The following TET2 variants were observed in gnomAD, a reference collection of about 807,000 sequenced individuals.
The protein encoded by TET2 is methylcytosine dioxygenase TET2.
A neutral mutation model predicts 142.9 loss-of-function variants in TET2; 299 were observed. The observed-to-expected ratio is 2.09, with a 90% CI of 1.90 to 2.30. TET2 has a LOEUF of 2.30. Ranked by LOEUF, TET2 falls within the 30% of genes most tolerant of loss-of-function variation. The pLI is 0.00. For synonymous variants in TET2, 819 were observed against 849.0 expected, an observed-to-expected ratio of 0.96 and a Z score of 0.61; for missense variants, 2,418 against 2,378.0, an observed-to-expected ratio of 1.02 and a Z score of -0.35.
chr4:105,217,078 C>A (rs1578638273), intron 2 of TET2, among the ~76,000 whole-genome samples: 2 of 151,902 alleles, frequency 1.3e-5, no homozygotes, highest in African/African-American at 4.8e-5. Flanking sequence ...CCTGCATTCT[C>A]TATGAAGATA....
chr4:105,260,211 A>G (rs749931637), intron 7 of TET2, among the ~76,000 whole-genome samples: 2 of 148,570 alleles, frequency 1.3e-5, no homozygotes, highest in Non-Finnish European at 3.0e-5. Flanking sequence ...TTAAGTAACT[A>G]AAACATTTAG....
chr4:105,268,530 A>G (rs1267909119), intron 8 of TET2, among the ~76,000 whole-genome samples: 1 of 152,214 alleles, frequency 6.6e-6, no homozygotes, highest in African/African-American at 2.4e-5. Context: ...AAAGAATTGG[A>G]CAAGATGGCT....
chr4:105,213,374 T>C (rs1000607350), intron 2 of TET2, among the ~76,000 whole-genome samples: 6 of 152,218 alleles, frequency 3.9e-5, no homozygotes, highest in African/African-American at 1.4e-4. Context: ...AAAATTTCTT[T>C]AGCCAATTTT....
At chr4:105,246,055 C>T (rs1333217324) in intron 6 of TET2, among the ~76,000 whole-genome samples, 1 of 152,074 alleles carries the variant, frequency 6.6e-6, no homozygotes, top group Admixed American at 6.6e-5. Flanking sequence ...CACAGCCTCC[C>T]GAGTAGCTAG....
chr4:105,235,528 G>T lies in TET2; in HGVS notation c.1586G>T (p.Cys529Phe). ...FGSSGELQDN[C>F]QQLMRNKEQE... ...AGCAGTGGAGAGCTACAGGACAACT[G>T]CCAGCAGTTGATGAGAAACAAAGAG... Residue 529 changes from cysteine to phenylalanine, a missense_variant, in exon 3 of 11, where the codon TGC becomes TTC. Transcript: ENST00000380013. The T allele has an allele frequency of 6.2e-7, 1 of 1,614,160 alleles. No individual in the cohort carries two copies. The highest frequency in any genetic ancestry group is 8.5e-7 in the Non-Finnish European group (1 of 1,180,016).
chr4:105,213,467 A>G (rs745731011), intron 2 of TET2, among the ~76,000 whole-genome samples: 2 of 152,222 alleles, frequency 1.3e-5, no homozygotes, highest in Non-Finnish European at 2.9e-5. Flanking sequence ...AAAATGACAC[A>G]CTAATTTCTA....
At chr4:105,171,219 C>T (rs1724447706) in intron 1 of TET2, 1 of 152,040 alleles carries the variant, frequency 6.6e-6, no homozygotes, top group Non-Finnish European at 1.5e-5. Flanking sequence ...GTGTCTAGCA[C>T]AGTGCCTGGC....
Position 105,234,512 on chromosome 4 carries a change from T to C in TET2, c.570T>C (p.Ala190=). 6.2e-7 allele frequency: 1 copy of C among 1,614,130 alleles called. No individual in the cohort carries two copies. The highest frequency in any genetic ancestry group is 8.5e-7 in the Non-Finnish European group (1 of 1,180,010). ...TGAATGAGCAGGAGGGGAAAAGTGC[T>C]AATTACCATGACAAGAACATTGTAT... The part of the protein sequence containing the change: ...QILNEQEGKS[A]NYHDKNIVLL... Residue 190 remains alanine (A), a synonymous_variant, in exon 3 of 11, where the codon GCT becomes GCC. Transcript: ENST00000380013.
chr4:105,189,275 G>C (rs183608008), intron 1 of TET2, among the ~76,000 whole-genome samples: 1 of 152,024 alleles, frequency 6.6e-6, no homozygotes, highest in Admixed American at 6.6e-5. Flanking sequence ...ATCTAGCATA[G>C]TGTCTGGCAT....
intron 2 of TET2, among the ~76,000 whole-genome samples, chr4:105,214,261 G>A (rs1727342984): frequency 6.7e-6 from 1 of 149,332 alleles, no homozygotes; most frequent in Non-Finnish European, 1.5e-5. Flanking sequence ...TTAGAAAACA[G>A]AATCTCTCCT....
intron 2 of TET2, among the ~76,000 whole-genome samples, chr4:105,209,057 A>T (rs1257558059): frequency 3.2e-5 from 2 of 62,748 alleles, no homozygotes; most frequent in South Asian, 9.8e-4. Context: ...TGGTATATAT[A>T]TATATATATA....
intron 1 of TET2, among the ~76,000 whole-genome samples, chr4:105,165,784 CTT>C (rs1724121588): frequency 6.6e-6 from 1 of 152,154 alleles, no homozygotes; most frequent in Admixed American, 6.5e-5. Flanking sequence ...TCCACAGTGA[CTT>C]TTCAAAATGT....
intron 2 of TET2, among the ~76,000 whole-genome samples, chr4:105,201,639 A>G (rs1726473298): frequency 6.6e-6 from 1 of 152,028 alleles, no homozygotes; most frequent in East Asian, 1.9e-4. Context: ...AGCAAAGTAT[A>G]AAGTAATAGA....
At chr4:105,266,927 A>C (rs1730707449) in intron 8 of TET2, among the ~76,000 whole-genome samples, 2 of 152,062 alleles carry the variant, frequency 1.3e-5, no homozygotes, top group African/African-American at 4.8e-5. Context: ...ACATAAAAAA[A>C]GACTATCAAA....
Position 105,241,438 on chromosome 4 carries a change from C to T in TET2, c.3500+9C>T, listed in dbSNP as rs1729292578. ...GAAATCATGGAAGAAAGGTAATTAA[C>T]GCAAAGGCACAGGGCAGATTAACGT... On this transcript the variant is annotated intron_variant, in intron 4 of 10. Coordinates refer to ENST00000380013, the MANE Select transcript of TET2 (RefSeq NM_001127208.3). 4.5e-6 allele frequency: 7 copies of T among 1,548,382 alleles called. No individual in the cohort carries two copies. The highest frequency in any genetic ancestry group is 2.4e-5 in the South Asian group (2 of 83,298).
chr4:105,240,144 A>C (rs1729213454), intron 3 of TET2: 1 of 232,996 alleles, frequency 4.3e-6, no homozygotes, highest in Admixed American at 5.8e-5. Flanking sequence ...TAAACTTTAA[A>C]ATACTGTGAG....
At position 105,236,448 on chromosome 4, in the gene TET2, AAC is replaced by A; in HGVS notation, c.2508_2509del (p.Asn836LysfsTer9). 6.2e-7 allele frequency: 1 copy of A among 1,614,124 alleles called. No homozygotes were observed. The highest frequency in any genetic ancestry group is 8.5e-7 in the Non-Finnish European group (1 of 1,180,014). On this transcript the variant is annotated frameshift_variant, in exon 3 of 11. Coordinates refer to ENST00000380013, the MANE Select transcript of TET2 (RefSeq NM_001127208.3). LOFTEE classifies it high-confidence loss of function. ...SACKIQVSCSNNTHLVSENKE... is the reference protein window; with the variant it reads ...SACKIQVSCSXNTHLVSENKE... ...ATGCAAAATACAGGTTTCTTGTTCA[AAC>A]AATACACACCTAGTTTCAGAGAATA...
intron 7 of TET2, among the ~76,000 whole-genome samples, chr4:105,260,890 CT>C (rs879906770): frequency 5.0e-4 from 75 of 151,352 alleles, no homozygotes; most frequent in East Asian, 2.3e-3. Flanking sequence ...CTACAGATAA[CT>C]TTTTTTTTAA....
In TET2 at chr4:105,237,202, C is replaced by T; in HGVS notation, c.3260C>T (p.Ser1087Phe). The T allele has an allele frequency of 6.2e-7, 1 of 1,614,146 alleles. No individual in the cohort carries two copies. Among genetic ancestry groups the T allele is most frequent in the East Asian group, 2.2e-5 (1 of 44,872 alleles). Residue 1087 changes from serine (S) to phenylalanine (F), a missense_variant, in exon 3 of 11, where the codon TCT becomes TTT. Transcript: ENST00000380013. ...CCAGCTTTAGAGCAGCAAACAACTT[C>T]TTCAGAAAAGACACCAACCAAAAGA... is the stretch of plus-strand genomic sequence containing the variant. ...HTPALEQQTT[S>F]SEKTPTKRTA...
Sources: gnomAD v4.1 joint callset for allele counts (sites outside exome capture counted in the v4.1 genomes callset) on GRCh38, gnomAD v4.1.1 for gene constraint, MANE v1.5 for transcripts, NCBI Gene and HGNC (gene_info 2026-07-23, HGNC 2026-07-21) for gene names.